UVSSA: variants seen among roughly 807,000 people sequenced by gnomAD.
UVSSA encodes UV-stimulated scaffold protein A.
In UVSSA, 72 loss-of-function variants were observed where a neutral mutation model predicts 73.9. The ratio of observed to expected loss-of-function variants is 0.97; its 90% confidence interval spans 0.81 to 1.19. UVSSA has a LOEUF of 1.19. UVSSA is among the 50% of genes most tolerant of loss of function. The probability of loss-of-function intolerance (pLI) is 0.00; values close to 1 mark genes in which losing one functional copy is unlikely to be tolerated. For missense variants in UVSSA, 1,150 were observed against 965.0 expected (o/e 1.19, Z -2.54); for synonymous variants, 454 against 391.3 (o/e 1.16, Z -1.89).
At chr4:1,379,472 G>A (rs1486491535) in intron 10 of UVSSA, among the ~76,000 whole-genome samples, 4 of 144,452 alleles carry the variant, frequency 2.8e-5, no homozygotes, top group Non-Finnish European at 4.5e-5. Context: ...GCGTGGGAGC[G>A]GACGCACCTG....
chr4:1,382,843 C>T (rs2109308850), intron 12 of UVSSA, among the ~76,000 whole-genome samples: 1 of 152,366 alleles, frequency 6.6e-6, no homozygotes, highest in Middle Eastern at 3.4e-3. Context: ...ACTGGCTCAG[C>T]TCGTGGGGTC....
upstream of UVSSA, among the ~76,000 whole-genome samples, chr4:1,345,580 G>A (rs1366511502): frequency 6.7e-6 from 1 of 148,790 alleles, no homozygotes; most frequent in Non-Finnish European, 1.5e-5. Flanking sequence ...GGGAGGCGGA[G>A]GCTGCAGTGA....
chr4:1,374,324 C>CGTG (rs1444989275), intron 8 of UVSSA, among the ~76,000 whole-genome samples: 1 of 152,224 alleles, frequency 6.6e-6, no homozygotes, highest in Non-Finnish European at 1.5e-5. Context: ...GCCATCCCGA[C>CGTG]GCCTCAGGAC....
chr4:1,384,237 T>G, intron 13 of UVSSA: 1 of 435,088 alleles, frequency 2.3e-6, no homozygotes, highest in Non-Finnish European at 4.2e-6. Flanking sequence ...GACACAGGCC[T>G]TGGCTGGTGC....
chr4:1,356,010 C>T (rs182428340), intron 7 of UVSSA, among the ~76,000 whole-genome samples: 2 of 152,188 alleles, frequency 1.3e-5, no homozygotes, highest in South Asian at 2.1e-4. Context: ...TCGGCAGCAC[C>T]CAGCACAGTC....
upstream of UVSSA, among the ~76,000 whole-genome samples, chr4:1,344,627 C>G (rs535168556): frequency 1.3e-5 from 2 of 152,322 alleles, no homozygotes; most frequent in South Asian, 4.1e-4. Context: ...CAGCATTCAA[C>G]AAATATTGAG....
intron 12 of UVSSA, among the ~76,000 whole-genome samples, chr4:1,381,999 G>A (rs899759901): frequency 3.3e-5 from 5 of 152,204 alleles, no homozygotes; most frequent in Admixed American, 6.5e-5. Flanking sequence ...TGCAGGCCTG[G>A]CCCTGGCCCG....
intron 8 of UVSSA, among the ~76,000 whole-genome samples, chr4:1,373,941 G>T (rs924571650): frequency 6.6e-6 from 1 of 152,140 alleles, no homozygotes; most frequent in Non-Finnish European, 1.5e-5. Context: ...CTGGCCTCTC[G>T]CTGTGTCTCT....
intron 5 of UVSSA, 143 bp from the exon 6 acceptor site, chr4:1,354,592 G>A (rs1311100948): frequency 6.0e-6 from 4 of 662,422 alleles, no homozygotes; most frequent in East Asian, 2.7e-5. Flanking sequence ...ACAGCATCAG[G>A]TTTGGGATTC....
chr4:1,376,229 G>A, intron 10 of UVSSA, 61 bp downstream of exon 10: 2 of 1,522,512 alleles, frequency 1.3e-6, no homozygotes, highest in Non-Finnish European at 1.8e-6. Context: ...GCCTGAGGAG[G>A]GGGCTGCCGG....
At chr4:1,352,067 G>A (rs181755040) in intron 4 of UVSSA, among the ~76,000 whole-genome samples, 1 of 152,362 alleles carries the variant, frequency 6.6e-6, no homozygotes, top group East Asian at 1.9e-4. Flanking sequence ...CGTTCGCTGC[G>A]CGGACCTCTG....
rs180958717 is a variant in UVSSA at position 1,387,717 on chromosome 4, A to G, written c.*1756A>G. The G allele has an allele frequency of 6.6e-6, 1 of 152,308 alleles. No homozygotes were observed. The highest frequency in any genetic ancestry group is 1.9e-4 in the East Asian group (1 of 5,182). The allele number at this position is 152,308 out of a possible 1,614,324, so 9.4% of individuals were successfully genotyped here. ...AAACATTATTTTTCCCCATTGAATT[A>G]TCTTCGCACCATTATTGATAATCAG... On this transcript the variant is annotated 3_prime_UTR_variant, in exon 14 of 14. Transcript: ENST00000389851.
At position 1,375,430 on chromosome 4, in the gene UVSSA, AG is replaced by A. The variant is rs1290286116; in HGVS notation, c.1357del (p.Glu453ArgfsTer131). On this transcript the variant is annotated frameshift_variant, in exon 9 of 14. Transcript: ENST00000389851. LOFTEE classifies it high-confidence loss of function. ...TTGCGGACGAGGACGAGGATGGACGAGGAGGTGTCGGACCCCACCTCTGCGG... is the reference window on the plus strand; with the variant it reads ...TTGCGGACGAGGACGAGGATGGACGAGAGGTGTCGGACCCCACCTCTGCGG... ...RCLRTRTRMDEEVSDPTSAAA... is the reference protein window; with the variant it reads ...RCLRTRTRMDXEVSDPTSAAA... 2 of 1,612,834 alleles carry A rather than the reference AG, an allele frequency of 1.2e-6. No homozygotes were observed. The highest frequency in any genetic ancestry group is 2.7e-5 in the African/African-American group (2 of 74,930).
rs558019556 is a variant in UVSSA at position 1,367,177 on chromosome 4, C to G, written c.1288+746C>G. On this transcript the variant is annotated intron_variant, in intron 8 of 13. Transcript: ENST00000389851. ...CGGGAGGTGCCGAACCCTGCCACAGCCTGTGCCGTGGAGGGCTTAGGTTTT... is the reference window on the plus strand; with the variant it reads ...CGGGAGGTGCCGAACCCTGCCACAGGCTGTGCCGTGGAGGGCTTAGGTTTT... 2.6e-5 allele frequency among the ~76,000 whole-genome samples: 4 copies of G among 152,342 alleles called. No individual in the cohort carries two copies. In the East Asian group the frequency reaches 7.7e-4, roughly 29 times the overall value.
At chr4:1,354,493 G>A in intron 5 of UVSSA, 1 of 538,502 alleles carries the variant, frequency 1.9e-6, no homozygotes, top group Non-Finnish European at 3.4e-6. Context: ...CAAGGAGACT[G>A]AGACACAGGC....
At chr4:1,372,890 C>G in intron 8 of UVSSA, among the ~76,000 whole-genome samples, 1 of 149,326 alleles carries the variant, frequency 6.7e-6, no homozygotes, top group Non-Finnish European at 1.5e-5. Context: ...TCAGGGCACT[C>G]ACCTCCCGCG....
At chr4:1,395,758 A>G (rs970466516) in exon 14 of UVSSA, 3 of 1,614,096 alleles carry the variant, frequency 1.9e-6, no homozygotes, top group Non-Finnish European at 2.5e-6. Flanking sequence ...GCCGAGTCAG[A>G]CGCTGTTACC....
intron 2 of UVSSA, among the ~76,000 whole-genome samples, 154 bp from the exon 3 acceptor site, chr4:1,349,370 G>A (rs1163709246): frequency 6.6e-6 from 1 of 152,208 alleles, no homozygotes; most frequent in Non-Finnish European, 1.5e-5. Flanking sequence ...TTGGGCAGTA[G>A]TTTGCAGACC....
chr4:1,352,444 C>T (rs1714925947), intron 4 of UVSSA, among the ~76,000 whole-genome samples: 1 of 152,226 alleles, frequency 6.6e-6, no homozygotes, highest in African/African-American at 2.4e-5. Flanking sequence ...GGTGCCCAGA[C>T]AATGAGGAGG....
Sources: allele counts gnomAD v4.1 joint callset (sites outside exome capture counted in the v4.1 genomes callset), GRCh38; gene constraint gnomAD v4.1.1; transcripts MANE v1.5; gene names NCBI Gene and HGNC (gene_info 2026-07-23, HGNC 2026-07-21).